ITGB6: variants seen among roughly 807,000 people sequenced by gnomAD.
ITGB6 encodes integrin beta-6.
A neutral mutation model predicts 84.5 loss-of-function variants in ITGB6; 80 were observed. The ratio of observed to expected loss-of-function variants is 0.95; its 90% confidence interval spans 0.79 to 1.14. The LOEUF (loss-of-function observed/expected upper bound fraction) is 1.14, where lower values mean the gene tolerates loss of function less well. Among genes scored for constraint, ITGB6 ranks in the 50% most tolerant of loss-of-function variants. The pLI is 0.00. For missense variants in ITGB6, 1,006 were observed against 968.0 expected (o/e 1.04, Z -0.52); for synonymous variants, 383 against 354.9 (o/e 1.08, Z -0.89).
chr2:160,152,626 G>C (rs888938565), intron 7 of ITGB6, among the ~76,000 whole-genome samples: 1 of 152,078 alleles, frequency 6.6e-6, no homozygotes, highest in Non-Finnish European at 1.5e-5. Context: ...AGAAATAAAG[G>C]GTATTCAGTT....
intron 14 of ITGB6, among the ~76,000 whole-genome samples, chr2:160,102,269 A>G (rs1342298867): frequency 6.6e-6 from 1 of 152,226 alleles, no homozygotes; most frequent in African/African-American, 2.4e-5. Flanking sequence ...ACATACAAAA[A>G]TGAACGACAC....
At chr2:160,118,196 G>A (rs1682869703) in intron 12 of ITGB6, among the ~76,000 whole-genome samples, 1 of 152,142 alleles carries the variant, frequency 6.6e-6, no homozygotes, top group Non-Finnish European at 1.5e-5. Context: ...CCAAAGCCTG[G>A]CAGAGAAACA....
intron 6 of ITGB6, among the ~76,000 whole-genome samples, chr2:160,169,927 T>G (rs773521913): frequency 5.3e-5 from 8 of 152,254 alleles, no homozygotes; most frequent in Non-Finnish European, 7.3e-5. Context: ...CATTGGCATA[T>G]TTGTTCCCAA....
intron 4 of ITGB6, among the ~76,000 whole-genome samples, chr2:160,184,878 T>A (rs1465272435): frequency 6.6e-6 from 1 of 151,888 alleles, no homozygotes; most frequent in Non-Finnish European, 1.5e-5. Flanking sequence ...AAGACAAAAA[T>A]CACATGATTA....
At chr2:160,128,880 A>G (rs866838412) in intron 10 of ITGB6, among the ~76,000 whole-genome samples, 2 of 152,242 alleles carry the variant, frequency 1.3e-5, no homozygotes, top group Middle Eastern at 3.4e-3. Context: ...TGAGGAGCTC[A>G]AGGGGCCTGT....
intron 10 of ITGB6, 63 bp from the exon 11 acceptor site, chr2:160,126,664 AGG>A: frequency 6.8e-7 from 1 of 1,464,888 alleles, no homozygotes; most frequent in African/African-American, 1.4e-5. Flanking sequence ...TGAGGGGGTG[AGG>A]GGCATCTTTT....
rs369726068 is a variant in ITGB6, at chr2:160,196,369, G to A, written c.193C>T (p.Leu65Phe). Reference sequence around the variant, plus strand: ...TTTAATTGACATCCTTTAGCTAAAAGGTTTGCTGGGGTATCACACCTTTCG... The same window carrying A: ...TTTAATTGACATCCTTTAGCTAAAAAGTTTGCTGGGGTATCACACCTTTCG... Reference protein sequence around the residue: ...VGERCDTPANLLAKGCQLNFI... With the variant: ...VGERCDTPANFLAKGCQLNFI... Residue 65 changes from leucine to phenylalanine, a missense_variant, in exon 3 of 15, where the codon CTT becomes TTT. Leu to Phe is a conservative substitution (Grantham distance 22). Transcript: ENST00000283249. 24 of 1,614,010 alleles carry A rather than the reference G, an allele frequency of 1.5e-5. No homozygotes were observed. The East Asian group carries it at 1.6e-4, about 10-fold the overall frequency.
chr2:160,140,744 CAAACA>C (rs765941723), intron 8 of ITGB6, among the ~76,000 whole-genome samples: 2 of 152,108 alleles, frequency 1.3e-5, no homozygotes, highest in Non-Finnish European at 1.5e-5. Context: ...ATCAGTAAAA[CAAACA>C]AAACAAAACA....
chr2:160,173,489 T>C (rs962942021), intron 5 of ITGB6, among the ~76,000 whole-genome samples: 1 of 152,208 alleles, frequency 6.6e-6, no homozygotes, highest in Admixed American at 6.5e-5. Flanking sequence ...ATAATTCTTG[T>C]GGATACTTGT....
chr2:160,173,219 A>C (rs1216900664), intron 5 of ITGB6, among the ~76,000 whole-genome samples: 1 of 152,362 alleles, frequency 6.6e-6, no homozygotes, highest in East Asian at 1.9e-4. Context: ...AACCTAATAC[A>C]AGGATAAGAA....
intron 12 of ITGB6, among the ~76,000 whole-genome samples, chr2:160,115,145 G>A (rs1422823101): frequency 6.6e-6 from 1 of 152,250 alleles, no homozygotes; most frequent in Non-Finnish European, 1.5e-5. Context: ...TTTGAAGAGA[G>A]TAGTGGTTCT....
chr2:160,172,747 A>G lies in ITGB6; in HGVS notation c.760-17T>C. The stretch of plus-strand genomic sequence containing the variant: ...AATTTTTTCCTACAGTGAGAAAGAA[A>G]CATTTGTGTGATATTGGAGGGAGGC... On this transcript the variant is annotated splice_polypyrimidine_tract_variant and intron_variant, in intron 5 of 14. Coordinates refer to ENST00000283249, the MANE Select transcript of ITGB6 (RefSeq NM_000888.5). The G allele has an allele frequency of 1.3e-6, 2 of 1,583,182 alleles. No homozygotes were observed. The highest frequency in any genetic ancestry group is 1.7e-6 in the Non-Finnish European group (2 of 1,153,814).
At chr2:160,160,252 T>C (rs1684768371) in intron 7 of ITGB6, among the ~76,000 whole-genome samples, 1 of 152,212 alleles carries the variant, frequency 6.6e-6, no homozygotes, top group South Asian at 2.1e-4. Flanking sequence ...TCAGATAAAT[T>C]GGAAAGCAGA....
chr2:160,126,045 A>G (rs1683227020), intron 11 of ITGB6, among the ~76,000 whole-genome samples: 2 of 152,118 alleles, frequency 1.3e-5, no homozygotes, highest in African/African-American at 4.8e-5. Flanking sequence ...TCATCCGTCT[A>G]CCTCCAGGGC....
At chr2:160,111,929 G>C in intron 13 of ITGB6, 151 bp downstream of exon 13, 1 of 768,478 alleles carries the variant, frequency 1.3e-6, no homozygotes, top group Non-Finnish European at 2.1e-6. Flanking sequence ...CCTTCTAACT[G>C]GCATCTTTCA....
chr2:160,102,569 T>A (rs1438668546), intron 14 of ITGB6, among the ~76,000 whole-genome samples: 2 of 152,206 alleles, frequency 1.3e-5, no homozygotes, highest in Non-Finnish European at 2.9e-5. Flanking sequence ...TGGCTTTGCC[T>A]TGGGGGCAGT....
Position 160,199,882 on chromosome 2 carries a change from A to G in ITGB6, c.61+121T>C. The G allele has an allele frequency of 4.0e-6, 3 of 742,320 alleles. No homozygotes were observed. In the South Asian group the frequency reaches 5.2e-5, roughly 13 times the overall value. The allele number at this position is 742,320 out of a possible 1,614,324, so 46.0% of individuals were successfully genotyped here. A position where few individuals can be genotyped will look rare whatever the true frequency, so the allele number is the denominator to read the frequency against. On this transcript the variant is annotated intron_variant, in intron 1 of 14. Transcript: ENST00000283249. ...CTGTAATTTGTTAAAGTGTTCACTC[A>G]GTCACAAAAGAGCAATGGAACAGAT... is the stretch of plus-strand genomic sequence containing the variant.
At chr2:160,112,316 GA>G (rs1682570360) in intron 12 of ITGB6, 117 bp from the exon 13 acceptor site, 1 of 968,178 alleles carries the variant, frequency 1.0e-6, no homozygotes. Context: ...TGCAGAATGA[GA>G]ATAGGAGAGG....
rs1442050802 is a variant in ITGB6, at chr2:160,172,802, C to T, written c.760-72G>A. 4.2e-6 allele frequency: 5 copies of T among 1,202,458 alleles called. No homozygotes were observed. In the African/African-American group the frequency reaches 7.4e-5, roughly 18 times the overall value. The allele number at this position is 1,202,458 out of a possible 1,614,324, so 74.5% of individuals were successfully genotyped here. A position where few individuals can be genotyped will look rare whatever the true frequency, so the allele number is the denominator to read the frequency against. ...ATTTATTGAGTGTGGATCAATTATG[C>T]TTGGACACATTTAGGTTATAAAAAT... On this transcript the variant is annotated intron_variant, in intron 5 of 14. Coordinates refer to ENST00000283249, the MANE Select transcript of ITGB6 (RefSeq NM_000888.5).
Sources: gnomAD v4.1 joint callset for allele counts (sites outside exome capture counted in the v4.1 genomes callset) on GRCh38, gnomAD v4.1.1 for gene constraint, MANE v1.5 for transcripts, NCBI Gene and HGNC (gene_info 2026-07-23, HGNC 2026-07-21) for gene names.